The following PTPRT variants were observed in gnomAD, a reference collection of about 807,000 sequenced individuals.
PTPRT encodes receptor-type tyrosine-protein phosphatase T.
Under a neutral mutation model 176.8 loss-of-function variants are expected in PTPRT, and 56 were observed. The ratio of observed to expected loss-of-function variants is 0.32; its 90% CI spans 0.26 to 0.40. PTPRT has a LOEUF of 0.40. Ranked by LOEUF, PTPRT falls within the 10% of genes least tolerant of loss-of-function variation. The pLI, the probability that PTPRT is intolerant of heterozygous loss-of-function variation, is 1.00. For missense variants in PTPRT, 1,540 were observed against 1,908.2 expected, an observed-to-expected ratio of 0.81 and a Z score of 3.60; for synonymous variants, 783 against 739.0, an observed-to-expected ratio of 1.06 and a Z score of -0.96.
chr20:42,334,805 C>T (rs920753155), intron 11 of PTPRT, among the ~76,000 whole-genome samples: 13 of 152,246 alleles, frequency 8.5e-5, no homozygotes, highest in Admixed American at 2.0e-4. Context: ...GAACTGAATA[C>T]GATAATAATG....
At chr20:42,389,004 T>C (rs2058772639) in intron 9 of PTPRT, among the ~76,000 whole-genome samples, 1 of 152,016 alleles carries the variant, frequency 6.6e-6, no homozygotes, top group South Asian at 2.1e-4. Flanking sequence ...GAAACCATCA[T>C]TCTCAGCAAA....
chr20:42,638,102 C>T (rs368885119), intron 7 of PTPRT, among the ~76,000 whole-genome samples: 7 of 152,090 alleles, frequency 4.6e-5, no homozygotes, highest in African/African-American at 1.4e-4. Flanking sequence ...GCAAACATTA[C>T]AATTCAAGGC....
At chr20:42,128,149 A>T (rs74725031) in intron 19 of PTPRT, among the ~76,000 whole-genome samples, 2 of 152,084 alleles carry the variant, frequency 1.3e-5, no homozygotes, top group African/African-American at 4.8e-5. Context: ...TATTCTCTCT[A>T]ACTAGAGGCC....
intron 1 of PTPRT, among the ~76,000 whole-genome samples, chr20:43,129,576 C>A (rs2013572194): frequency 6.6e-6 from 1 of 151,690 alleles, no homozygotes; most frequent in South Asian, 2.1e-4. Flanking sequence ...CTCAGCTGCT[C>A]CTCCAGCTCC....
At chr20:42,820,959 T>G (rs2077882310) in intron 2 of PTPRT, among the ~76,000 whole-genome samples, 1 of 152,194 alleles carries the variant, frequency 6.6e-6, no homozygotes, top group African/African-American at 2.4e-5. Flanking sequence ...AGTAGACAGA[T>G]TCACAGCTGA....
chr20:43,180,005 T>A (rs2015211230), intron 1 of PTPRT, among the ~76,000 whole-genome samples: 1 of 152,158 alleles, frequency 6.6e-6, no homozygotes, highest in Non-Finnish European at 1.5e-5. Flanking sequence ...CTGGAAGAGA[T>A]CAGCATTTGC....
chr20:42,721,222 G>C (rs1485683566), intron 6 of PTPRT, among the ~76,000 whole-genome samples: 2 of 152,206 alleles, frequency 1.3e-5, no homozygotes, highest in Non-Finnish European at 2.9e-5. Context: ...AGGAGATGAA[G>C]GGTACTTGAA....
At chr20:42,578,710 C>T (rs1165024327) in intron 7 of PTPRT, among the ~76,000 whole-genome samples, 1 of 152,094 alleles carries the variant, frequency 6.6e-6, no homozygotes, top group Non-Finnish European at 1.5e-5. Flanking sequence ...GCAGATGTCA[C>T]CATCTGCCCT....
intron 9 of PTPRT, among the ~76,000 whole-genome samples, chr20:42,368,503 C>G (rs1030873467): frequency 1.3e-5 from 2 of 151,992 alleles, no homozygotes; most frequent in African/African-American, 2.4e-5. Flanking sequence ...CAAGGTAACC[C>G]GCTGGGGCAA....
Position 42,519,925 on chromosome 20 carries a change from T to G in PTPRT, c.1154-47363A>C, listed in dbSNP as rs188658915. Reference sequence around the variant, plus strand: ...AAGTTTTATTTCATATGTTTTAACCTGCTTTATTTGGTACATACAAATTTA... The same window carrying G: ...AAGTTTTATTTCATATGTTTTAACCGGCTTTATTTGGTACATACAAATTTA... On this transcript the variant is annotated intron_variant, in intron 7 of 30. Transcript: ENST00000373187. 1.7e-3 allele frequency among the ~76,000 whole-genome samples: 255 copies of G among 152,274 alleles called. 1 individual carries two copies. The Middle Eastern group carries it at 0.027, about 16-fold the overall frequency.
At chr20:42,876,265 T>C (rs1312107036) in intron 2 of PTPRT, among the ~76,000 whole-genome samples, 1 of 152,202 alleles carries the variant, frequency 6.6e-6, no homozygotes, top group African/African-American at 2.4e-5. Flanking sequence ...CTTACAACTT[T>C]AAACCAATCA....
chr20:42,745,821 T>G (rs2076683647), intron 6 of PTPRT, among the ~76,000 whole-genome samples: 1 of 152,218 alleles, frequency 6.6e-6, no homozygotes, highest in Non-Finnish European at 1.5e-5. Context: ...GGCCTTGGAC[T>G]GTGTGACTCT....
chr20:43,189,238 G>A lies in PTPRT; in HGVS notation c.88+408C>T, dbSNP rs111781998. 1.3e-5 allele frequency among the ~76,000 whole-genome samples: 2 copies of A among 152,176 alleles called. No homozygotes were observed. Among genetic ancestry groups the A allele is most frequent in the Admixed American group, 1.3e-4 (2 of 15,284 alleles). ...GTCCTCCCCACTAAAAGCGCGCGCT[G>A]CCCGAGGAGCTGCCCGGGAGAGAAC... is the stretch of plus-strand genomic sequence containing the variant. On this transcript the variant is annotated intron_variant, in intron 1 of 30. Coordinates refer to ENST00000373187, the MANE Select transcript of PTPRT (RefSeq NM_007050.6). This position sits in a 1 kb window ranked among gnomAD's most constrained non-coding sequence, Gnocchi z 5.0.
At chr20:42,747,448 T>C (rs1033139120) in intron 6 of PTPRT, among the ~76,000 whole-genome samples, 2 of 152,004 alleles carry the variant, frequency 1.3e-5, no homozygotes, top group African/African-American at 4.8e-5. Flanking sequence ...CAAATAGATG[T>C]AAATTACAAT....
intron 9 of PTPRT, among the ~76,000 whole-genome samples, chr20:42,370,389 C>G (rs565348672): frequency 6.6e-6 from 1 of 152,264 alleles, no homozygotes; most frequent in South Asian, 2.1e-4. Flanking sequence ...ACCATGCTGC[C>G]CTGCCTGGAC....
intron 6 of PTPRT, among the ~76,000 whole-genome samples, chr20:42,725,476 A>C (rs970227805): frequency 1.3e-5 from 2 of 151,978 alleles, no homozygotes; most frequent in African/African-American, 4.8e-5. Context: ...AAAATCCTCC[A>C]CTTTACAAAT....
chr20:42,184,541 C>CTCTTCCTCTTCTTCTTCTTCT (rs1555797959), intron 16 of PTPRT, among the ~76,000 whole-genome samples: 95 of 91,618 alleles, frequency 1.0e-3, no homozygotes, highest in African/African-American at 2.7e-3. Context: ...CTTCCTCTTC[C>CTCTTCCTCTTCTTCTTCTTCT]TCTTCTTCTT....
chr20:42,328,092 G>C (rs912439566), intron 11 of PTPRT, among the ~76,000 whole-genome samples: 1 of 152,072 alleles, frequency 6.6e-6, no homozygotes, highest in Non-Finnish European at 1.5e-5. Flanking sequence ...TACCTTATAT[G>C]ATGCCTTATA....
chr20:42,353,785 A>G (rs2058320963), intron 9 of PTPRT, among the ~76,000 whole-genome samples: 1 of 152,234 alleles, frequency 6.6e-6, no homozygotes, highest in African/African-American at 2.4e-5. Flanking sequence ...GTGGTGGCTC[A>G]CACCTGAAAT....
Sources: allele counts gnomAD v4.1 joint callset (sites outside exome capture counted in the v4.1 genomes callset), GRCh38; gene constraint gnomAD v4.1.1; non-coding constraint Gnocchi (gnomAD v3.1); transcripts MANE v1.5; gene names NCBI Gene and HGNC (gene_info 2026-07-23, HGNC 2026-07-21).